NOS1: variants seen among roughly 807,000 people sequenced by gnomAD.
The protein encoded by NOS1 is NOS type I.
NOS1 carries 51 observed loss-of-function variants against 164.5 expected under a neutral mutation model. That is an observed-to-expected ratio of 0.31 (90% confidence interval 0.25 to 0.39). The LOEUF (loss-of-function observed/expected upper bound fraction) is 0.39, where lower values mean the gene tolerates loss of function less well. NOS1 is among the 10% of genes least tolerant of loss of function. The pLI is 1.00. For synonymous variants in NOS1, 719 were observed against 745.8 expected, an observed-to-expected ratio of 0.96 and a Z score of 0.59; for missense variants, 1,362 against 1,885.6, an observed-to-expected ratio of 0.72 and a Z score of 5.14.
chr12:117,295,197 C>T (rs773929736), intron 3 of NOS1, among the ~76,000 whole-genome samples: 128 of 152,346 alleles, frequency 8.4e-4, no homozygotes, highest in Non-Finnish European at 1.1e-3. Flanking sequence ...CATCTTACAG[C>T]TGCTTCTTCT....
At chr12:117,256,030 C>T in intron 16 of NOS1, 2 of 1,439,560 alleles carry the variant, frequency 1.4e-6, no homozygotes, top group Non-Finnish European at 1.8e-6. Context: ...CGCAAGGGTT[C>T]CGGGTACCTA....
intron 5 of NOS1, 27 bp downstream of exon 5, chr12:117,288,047 G>T (rs1872817968): frequency 6.2e-7 from 1 of 1,612,480 alleles, no homozygotes; most frequent in Non-Finnish European, 8.5e-7. Context: ...ACTTACCTCG[G>T]GCTCCCCGGA....
Position 117,222,882 on chromosome 12 carries a change from T to G in NOS1, c.3827-19A>C. ...TTCATTCCTGGGGACCAGGAAGACC[T>G]TATGTCACCGATGGCTCTCTGCCTG... On this transcript the variant is annotated intron_variant, in intron 25 of 28. Transcript: ENST00000317775. 1 of 1,609,856 alleles carries G rather than the reference T, an allele frequency of 6.2e-7. No individual in the cohort carries two copies. Among genetic ancestry groups the G allele is most frequent in the South Asian group, 1.1e-5 (1 of 90,408 alleles).
chr12:117,229,561 CT>C (rs1869007129), intron 22 of NOS1, among the ~76,000 whole-genome samples: 2 of 123,918 alleles, frequency 1.6e-5, no homozygotes, highest in Admixed American at 1.6e-4. Context: ...ATATCAAATT[CT>C]TCTATCTATC....
intron 1 of NOS1, among the ~76,000 whole-genome samples, chr12:117,346,374 G>A (rs1299780599): frequency 6.6e-6 from 1 of 152,196 alleles, no homozygotes; most frequent in African/African-American, 2.4e-5. Flanking sequence ...AGGAGGCTGA[G>A]GCAGGAGAAT....
chr12:117,237,478 G>A (rs535618954), intron 20 of NOS1, among the ~76,000 whole-genome samples: 1 of 152,108 alleles, frequency 6.6e-6, no homozygotes, highest in East Asian at 1.9e-4. Flanking sequence ...GGCCATATGA[G>A]AAGTACAGGG....
chr12:117,281,783 T>C (rs1169409069), intron 7 of NOS1, among the ~76,000 whole-genome samples: 4 of 140,526 alleles, frequency 2.8e-5, no homozygotes, highest in African/African-American at 1.1e-4. Flanking sequence ...TGAGCCGGGA[T>C]CACACCACTG....
At chr12:117,230,825 G>C (rs1419176473) in intron 22 of NOS1, among the ~76,000 whole-genome samples, 5 of 152,200 alleles carry the variant, frequency 3.3e-5, no homozygotes. Flanking sequence ...GATGGAACTG[G>C]AGGACATCAT....
At chr12:117,321,298 C>T (rs1874907063) in intron 2 of NOS1, among the ~76,000 whole-genome samples, 1 of 152,220 alleles carries the variant, frequency 6.6e-6, no homozygotes, top group Non-Finnish European at 1.5e-5. Context: ...GCGTGGGCCA[C>T]CACACCCGGC....
Position 117,208,562 on chromosome 12 carries a change from A to G in NOS1, c.*6747T>C. On this transcript the variant is annotated 3_prime_UTR_variant, in exon 29 of 29. Transcript: ENST00000317775. The stretch of plus-strand genomic sequence containing the variant: ...AGGAGTGTGAGTCTTAACAATCACA[A>G]CGAGAACACAACAATGAAAACAGTG... 1 of 1,204,146 alleles carries G rather than the reference A, an allele frequency of 8.3e-7. No homozygotes were observed. The highest frequency in any genetic ancestry group is 1.1e-6 in the Non-Finnish European group (1 of 945,664). The allele number at this position is 1,204,146 out of a possible 1,614,324, so 74.6% of individuals were successfully genotyped here.
Position 117,219,917 on chromosome 12 carries a change from G to C in NOS1, c.4170+158C>G, listed in dbSNP as rs1592922150. ...CCTTCTACTTTCTCTGTCATTGTTT[G>C]GGACCATCTATATCCTCTACCCTCA... On this transcript the variant is annotated intron_variant, in intron 27 of 28. Transcript: ENST00000317775. 2.6e-5 allele frequency among the ~76,000 whole-genome samples: 4 copies of C among 152,158 alleles called. No individual in the cohort carries two copies. In the East Asian group the frequency reaches 7.7e-4, roughly 29 times the overall value.
chr12:117,295,062 C>T (rs1235853801), intron 3 of NOS1, among the ~76,000 whole-genome samples: 1 of 152,176 alleles, frequency 6.6e-6, no homozygotes, highest in Non-Finnish European at 1.5e-5. Context: ...TTCCTTTTCC[C>T]CTCTCCTTTT....
intron 3 of NOS1, among the ~76,000 whole-genome samples, chr12:117,298,754 C>T (rs560740063): frequency 1.2e-4 from 19 of 152,220 alleles, no homozygotes; most frequent in Admixed American, 9.2e-4. Context: ...TCCCAGCCCT[C>T]GGAAGGAACC....
intron 4 of NOS1, among the ~76,000 whole-genome samples, chr12:117,289,991 T>A (rs1442804725): frequency 1.3e-5 from 2 of 152,208 alleles, no homozygotes. Flanking sequence ...TGTTTTACTA[T>A]CTGCTTTTTC....
At chr12:117,232,493 C>G (rs9658490) in intron 21 of NOS1, among the ~76,000 whole-genome samples, 26,225 of 152,080 alleles carry the variant, frequency 0.17, 2,867 homozygotes, top group Admixed American at 0.31. Context: ...CCTCTCACCC[C>G]CTGAATGGGA....
chr12:117,256,210 A>G (rs1871430693), intron 16 of NOS1, among the ~76,000 whole-genome samples: 1 of 151,768 alleles, frequency 6.6e-6, no homozygotes, highest in Non-Finnish European at 1.5e-5. Flanking sequence ...AGCAACGGTC[A>G]GTCTCCTGGG....
rs1956512683 is a variant in NOS1, at chr12:117,210,621, C to T, written c.*4688G>A. 4 of 985,470 alleles carry T rather than the reference C, an allele frequency of 4.1e-6. No homozygotes were observed. The highest frequency in any genetic ancestry group is 6.1e-5 in the Admixed American group (1 of 16,278). The allele number at this position is 985,470 out of a possible 1,614,324, so 61.0% of individuals were successfully genotyped here. A position where few individuals can be genotyped will look rare whatever the true frequency, so the allele number is the denominator to read the frequency against. On this transcript the variant is annotated 3_prime_UTR_variant, in exon 29 of 29. Transcript: ENST00000317775. ...TGAAGGGGCTCAGGCATCTGGATTG[C>T]CCATCCTATTAGGACCATTTGCCCT...
intron 10 of NOS1, among the ~76,000 whole-genome samples, chr12:117,271,357 G>A (rs1291328748): frequency 2.0e-5 from 3 of 151,238 alleles, no homozygotes; most frequent in South Asian, 2.1e-4. Flanking sequence ...GGCTCACTGC[G>A]ACCTCTGCCT....
intron 3 of NOS1, among the ~76,000 whole-genome samples, chr12:117,298,676 A>G (rs565021085): frequency 1.1e-4 from 17 of 152,322 alleles, no homozygotes; most frequent in African/African-American, 4.1e-4. Flanking sequence ...GCTCACAGGG[A>G]GAGCGCCATG....
Sources: allele counts gnomAD v4.1 joint callset (sites outside exome capture counted in the v4.1 genomes callset), GRCh38; gene constraint gnomAD v4.1.1; transcripts MANE v1.5; gene names NCBI Gene and HGNC (gene_info 2026-07-23, HGNC 2026-07-21).